The following CNTNAP2 variants were observed in gnomAD, a reference collection of about 807,000 sequenced individuals.
CNTNAP2 encodes the protein contactin-associated protein-like 2.
In CNTNAP2, 98 loss-of-function variants were observed where a neutral mutation model predicts 155.2. The observed-to-expected ratio is 0.63, with a 90% CI of 0.54 to 0.75. The LOEUF (loss-of-function observed/expected upper bound fraction) is 0.75. Ranked by LOEUF, CNTNAP2 falls within the 30% of genes least tolerant of loss-of-function variation. The pLI is 0.00. For missense variants in CNTNAP2, 1,727 were observed against 1,688.1 expected (o/e 1.02, Z -0.40); for synonymous variants, 651 against 631.2 (o/e 1.03, Z -0.47).
At chr7:148,283,641 C>G (rs965467473) in intron 21 of CNTNAP2, among the ~76,000 whole-genome samples, 5 of 148,310 alleles carry the variant, frequency 3.4e-5, no homozygotes, top group Admixed American at 3.3e-4. Context: ...GTAGTCTATT[C>G]AGTGCCATTT....
intron 13 of CNTNAP2, among the ~76,000 whole-genome samples, chr7:147,772,262 A>G (rs1189474089): frequency 6.6e-6 from 1 of 151,430 alleles, no homozygotes; most frequent in Admixed American, 6.6e-5. Flanking sequence ...CGTCTCTACT[A>G]AAAATACAAA....
intron 2 of CNTNAP2, among the ~76,000 whole-genome samples, chr7:146,821,124 C>T (rs976860902): frequency 3.0e-4 from 45 of 152,196 alleles, no homozygotes; most frequent in Admixed American, 1.9e-3. Flanking sequence ...ATCCAATTTG[C>T]CAGTCTGTGT....
At chr7:147,163,610 A>G in intron 8 of CNTNAP2, among the ~76,000 whole-genome samples, 1 of 148,750 alleles carries the variant, frequency 6.7e-6, no homozygotes, top group East Asian at 2.0e-4. Context: ...CAATTTTTAT[A>G]TGGCTATCTT....
In CNTNAP2 at chr7:147,801,866, G is replaced by A. The variant is rs564742285; in HGVS notation, c.2099-101699G>A. ...CACCTCCCAGACGGGGGGGGCGGCCGGGCAGAGGGGCTCCTCACTTCCCAG... is the reference window on the plus strand; with the variant it reads ...CACCTCCCAGACGGGGGGGGCGGCCAGGCAGAGGGGCTCCTCACTTCCCAG... On this transcript the variant is annotated intron_variant, in intron 13 of 23. Coordinates refer to ENST00000361727, the MANE Select transcript of CNTNAP2 (RefSeq NM_014141.6). 3.3e-3 allele frequency among the ~76,000 whole-genome samples: 506 copies of A among 152,050 alleles called. 5 individuals carry two copies. Among genetic ancestry groups the A allele is most frequent in the African/African-American group, 0.011 (462 of 41,474 alleles).
chr7:146,212,376 T>C (rs551533619), intron 1 of CNTNAP2, among the ~76,000 whole-genome samples: 1 of 152,244 alleles, frequency 6.6e-6, no homozygotes, highest in East Asian at 1.9e-4. Flanking sequence ...ATTGACCTAA[T>C]TGGGAGTCTG....
In CNTNAP2 at chr7:147,344,417, C is replaced by T. The variant is rs528707055; in HGVS notation, c.1498+44127C>T. Among the ~76,000 whole-genome samples the T allele has an allele frequency of 6.3e-5, 9 of 142,362 alleles. No homozygotes were observed. The South Asian group carries it at 1.9e-3, about 31-fold the overall frequency. 93.4% of individuals were successfully genotyped at this position (142,362 alleles called of 152,430 possible). A position where few individuals can be genotyped will look rare whatever the true frequency, so the allele number is the denominator to read the frequency against. ...GAACTGGCTGATTAGGCAGAGGTAA[C>T]ACTAGGAAAAAAAAATGTTTAGAAA... is the stretch of plus-strand genomic sequence containing the variant. On this transcript the variant is annotated intron_variant, in intron 9 of 23. Coordinates refer to ENST00000361727, the MANE Select transcript of CNTNAP2 (RefSeq NM_014141.6).
intron 4 of CNTNAP2, among the ~76,000 whole-genome samples, chr7:147,100,702 A>C (rs1056458981): frequency 6.6e-6 from 1 of 152,182 alleles, no homozygotes; most frequent in African/African-American, 2.4e-5. Flanking sequence ...AGTAAACTGC[A>C]CGGTCACAGG....
rs547691469 is a variant in CNTNAP2, at chr7:147,552,567, C to T, written c.1778-9571C>T. Among the ~76,000 whole-genome samples, 29 of 139,330 alleles carry T rather than the reference C, an allele frequency of 2.1e-4. No homozygotes were observed. The East Asian group carries it at 5.8e-3, about 28-fold the overall frequency. 91.4% of individuals were successfully genotyped at this position (139,330 alleles called of 152,430 possible). A position where few individuals can be genotyped will look rare whatever the true frequency, so the allele number is the denominator to read the frequency against. Reference sequence around the variant, plus strand: ...GAATTTCTTTACTCCATTTTACTTTCCTCAACACACACACACACACACACA... The same window carrying T: ...GAATTTCTTTACTCCATTTTACTTTTCTCAACACACACACACACACACACA... On this transcript the variant is annotated intron_variant, in intron 11 of 23. Transcript: ENST00000361727.
chr7:147,198,826 GC>G (rs1802861978), intron 8 of CNTNAP2, among the ~76,000 whole-genome samples: 1 of 152,064 alleles, frequency 6.6e-6, no homozygotes, highest in African/African-American at 2.4e-5. Context: ...ACAAGAAACT[GC>G]AACAACAAAC....
intron 3 of CNTNAP2, among the ~76,000 whole-genome samples, chr7:146,853,897 C>A (rs1435692199): frequency 1.3e-5 from 2 of 152,038 alleles, no homozygotes; most frequent in Non-Finnish European, 2.9e-5. Flanking sequence ...AATTTATAAA[C>A]AATAATGTTT....
At chr7:148,222,247 G>A (rs776995055) in intron 19 of CNTNAP2, among the ~76,000 whole-genome samples, 22 of 152,194 alleles carry the variant, frequency 1.4e-4, no homozygotes, top group Non-Finnish European at 2.1e-4. Flanking sequence ...AACAGAATAC[G>A]TGAAACTGGG....
rs879600389 is a variant in CNTNAP2 at position 146,638,476 on chromosome 7, C to CTTTTTTTTTTTTTT, written c.98-135786_98-135773dup. Among the ~76,000 whole-genome samples, 151 of 64,338 alleles carry CTTTTTTTTTTTTTT rather than the reference C, an allele frequency of 2.3e-3. 13 individuals carry two copies. The highest frequency in any genetic ancestry group is 9.5e-3 in the East Asian group (18 of 1,886). The allele number at this position is 64,338 out of a possible 152,430, so 42.2% of individuals were successfully genotyped here. A position where few individuals can be genotyped will look rare whatever the true frequency, so the allele number is the denominator to read the frequency against. ...AACAGTTTAATACAGTCAGGTGTTT[C>CTTTTTTTTTTTTTT]TTTTTTTTTTTTTTTTTTTTTTCTT... On this transcript the variant is annotated intron_variant, in intron 1 of 23. Coordinates refer to ENST00000361727, the MANE Select transcript of CNTNAP2 (RefSeq NM_014141.6).
intron 15 of CNTNAP2, among the ~76,000 whole-genome samples, chr7:148,035,203 G>A (rs1802550247): frequency 6.6e-6 from 1 of 152,236 alleles, no homozygotes. Context: ...GAACAGCCAT[G>A]TAAAGGTGCT....
chr7:147,524,640 C>T (rs1022926560), intron 11 of CNTNAP2, among the ~76,000 whole-genome samples: 3 of 152,166 alleles, frequency 2.0e-5, no homozygotes, highest in African/African-American at 7.2e-5. Flanking sequence ...ATGCAACATG[C>T]ATACTCTGTG....
At chr7:146,288,886 C>T (rs943684210) in intron 1 of CNTNAP2, among the ~76,000 whole-genome samples, 3 of 143,270 alleles carry the variant, frequency 2.1e-5, no homozygotes, top group African/African-American at 8.0e-5. Context: ...CTCACTGCAA[C>T]CTCTGCCTCC....
chr7:146,184,624 C>T (rs1798597005), intron 1 of CNTNAP2, among the ~76,000 whole-genome samples: 1 of 152,192 alleles, frequency 6.6e-6, no homozygotes, highest in Non-Finnish European at 1.5e-5. Flanking sequence ...CAACCTCTTC[C>T]TGAAAGCTTG....
At position 146,571,734 on chromosome 7, in the gene CNTNAP2, C is replaced by CTT. The variant is rs376437154; in HGVS notation, c.98-202523_98-202522dup. Reference sequence around the variant, plus strand: ...ACATTTAAAAACTTTTCTTTTCTTTCTTTTTTTTTTTTTTTGAGACGCAGT... The same window carrying CTT: ...ACATTTAAAAACTTTTCTTTTCTTTCTTTTTTTTTTTTTTTTTGAGACGCAGT... On this transcript the variant is annotated intron_variant, in intron 1 of 23. Transcript: ENST00000361727. Among the ~76,000 whole-genome samples the CTT allele has an allele frequency of 2.7e-3, 378 of 137,722 alleles. 2 individuals are homozygous for CTT. Among genetic ancestry groups the CTT allele is most frequent in the African/African-American group, 9.4e-3 (351 of 37,146 alleles). 90.4% of individuals were successfully genotyped at this position (137,722 alleles called of 152,430 possible). A position where few individuals can be genotyped will look rare whatever the true frequency, so the allele number is the denominator to read the frequency against.
intron 1 of CNTNAP2, among the ~76,000 whole-genome samples, chr7:146,488,188 G>A (rs996216372): frequency 1.1e-4 from 16 of 150,852 alleles, no homozygotes; most frequent in South Asian, 4.2e-4. Flanking sequence ...TTAGTCTTAC[G>A]CACGTGAGGA....
At chr7:146,832,679 GTA>G (rs371934317) in intron 2 of CNTNAP2, among the ~76,000 whole-genome samples, 13 of 148,526 alleles carry the variant, frequency 8.8e-5, no homozygotes, top group East Asian at 2.0e-4. Context: ...ACGTGTGTGT[GTA>G]TATATATATA....
Sources: allele counts gnomAD v4.1 joint callset (sites outside exome capture counted in the v4.1 genomes callset), GRCh38; gene constraint gnomAD v4.1.1; transcripts MANE v1.5; gene names NCBI Gene and HGNC (gene_info 2026-07-23, HGNC 2026-07-21).